The following LARP4 variants were observed in gnomAD, a reference collection of about 807,000 sequenced individuals.
LARP4 encodes La ribonucleoprotein 4.
Under a neutral mutation model 92.9 loss-of-function variants are expected in LARP4, and 29 were observed. That is an observed-to-expected ratio of 0.31 (90% CI 0.23 to 0.43). LARP4 has a LOEUF of 0.43. Ranked by LOEUF, LARP4 falls within the 20% of genes least tolerant of loss-of-function variation. The pLI is 1.00. For missense variants in LARP4, 732 were observed against 860.0 expected, an observed-to-expected ratio of 0.85 and a Z score of 1.86; for synonymous variants, 279 against 284.1, an observed-to-expected ratio of 0.98 and a Z score of 0.18.
chr12:50,454,470 T>G, intron 10 of LARP4, 53 bp downstream of exon 10: 18 of 1,313,628 alleles, frequency 1.4e-5, no homozygotes, highest in Non-Finnish European at 1.9e-5. Flanking sequence ...TAATGGATCT[T>G]AAGGCATTAA....
chr12:50,409,214 G>A (rs1416006188), intron 1 of LARP4, among the ~76,000 whole-genome samples: 1 of 152,052 alleles, frequency 6.6e-6, no homozygotes, highest in African/African-American at 2.4e-5. Flanking sequence ...TAGAAACATG[G>A]ACTCTGGGGC....
At chr12:50,433,379 G>A (rs1253955966) in intron 4 of LARP4, among the ~76,000 whole-genome samples, 3 of 149,046 alleles carry the variant, frequency 2.0e-5, no homozygotes, top group East Asian at 2.0e-4. Context: ...GATATAGTTC[G>A]AACCAGCTGG....
intron 13 of LARP4, among the ~76,000 whole-genome samples, chr12:50,467,381 C>G (rs1478646464): frequency 6.6e-6 from 1 of 151,694 alleles, no homozygotes; most frequent in Non-Finnish European, 1.5e-5. Flanking sequence ...ACCTCTACCT[C>G]CTTGGTTCAA....
At chr12:50,431,379 ATTGACAAAAAG>A (rs1949635529) in intron 4 of LARP4, among the ~76,000 whole-genome samples, 1 of 152,224 alleles carries the variant, frequency 6.6e-6, no homozygotes, top group African/African-American at 2.4e-5. Flanking sequence ...CAATTTTGGA[ATTGACAAAAAG>A]TTATTTCTTA....
intron 4 of LARP4, among the ~76,000 whole-genome samples, chr12:50,431,814 A>T (rs1049764610): frequency 6.6e-6 from 1 of 152,214 alleles, no homozygotes; most frequent in Non-Finnish European, 1.5e-5. Flanking sequence ...CCTGGGCTCC[A>T]GCCTGGGCGG....
rs1957603927 is a variant in LARP4 at position 50,477,319 on chromosome 12, T to G, written c.*1455T>G. On this transcript the variant is annotated 3_prime_UTR_variant, in exon 16 of 16. Coordinates refer to ENST00000398473, the MANE Select transcript of LARP4 (RefSeq NM_052879.5). ...CCGTGTTGTGTTAATCTGTTTTAAG[T>G]CATACCATGTTCAGAGTTCTATGTA... is the stretch of plus-strand genomic sequence containing the variant. The G allele has an allele frequency of 6.6e-6, 1 of 152,522 alleles. No individual in the cohort carries two copies. The highest frequency in any genetic ancestry group is 2.1e-4 in the South Asian group (1 of 4,828). 9.4% of individuals were successfully genotyped at this position (152,522 alleles called of 1,614,324 possible).
At chr12:50,441,673 A>G in intron 8 of LARP4, 30 bp downstream of exon 8, 1 of 1,525,902 alleles carries the variant, frequency 6.6e-7, no homozygotes, top group Middle Eastern at 1.7e-4. Flanking sequence ...GTGAAACCAG[A>G]ACAGGTTTTG....
rs200457985 is a variant in LARP4, at chr12:50,410,408, C to CT, written c.18+9397dup. Among the ~76,000 whole-genome samples, 1,308 of 132,978 alleles carry CT rather than the reference C, an allele frequency of 9.8e-3. 21 individuals carry two copies. The highest frequency in any genetic ancestry group is 0.046 in the East Asian group (209 of 4,552). The allele number at this position is 132,978 out of a possible 152,430, so 87.2% of individuals were successfully genotyped here. On this transcript the variant is annotated intron_variant, in intron 1 of 15. Coordinates refer to ENST00000398473, the MANE Select transcript of LARP4 (RefSeq NM_052879.5). ...CGTCTATTAATACAGGATTCTTTAT[C>CT]TTTTTTTTTTTTTTTTTGAGATGGA...
chr12:50,444,050 GT>G (rs2137770554), intron 8 of LARP4, among the ~76,000 whole-genome samples: 1 of 152,132 alleles, frequency 6.6e-6, no homozygotes, highest in South Asian at 2.1e-4. Context: ...TAGAATATTT[GT>G]CTAGTTCCAA....
In LARP4 at chr12:50,466,941, A is replaced by G. The variant is rs946400462; in HGVS notation, c.1384-18A>G. 3.8e-6 allele frequency: 6 copies of G among 1,597,326 alleles called. No homozygotes were observed. Among genetic ancestry groups the G allele is most frequent in the Non-Finnish European group, 5.1e-6 (6 of 1,167,846 alleles). ...ATGAGATAGCCATGTGACCTGTTTTATTATTTGTTCATTTTAGAGACCTCA... is the reference window on the plus strand; with the variant it reads ...ATGAGATAGCCATGTGACCTGTTTTGTTATTTGTTCATTTTAGAGACCTCA... On this transcript the variant is annotated intron_variant, in intron 12 of 15. Transcript: ENST00000398473.
chr12:50,403,956 G>C (rs1343079584), intron 1 of LARP4, among the ~76,000 whole-genome samples: 1 of 152,062 alleles, frequency 6.6e-6, no homozygotes, highest in Non-Finnish European at 1.5e-5. Context: ...GGGCGCAGTG[G>C]CTCATGCCTG....
At chr12:50,403,823 C>G (rs150247606) in intron 1 of LARP4, among the ~76,000 whole-genome samples, 296 of 152,240 alleles carry the variant, frequency 1.9e-3, no homozygotes, top group Middle Eastern at 6.8e-3. Context: ...GTAGTATATA[C>G]TTGTATCGTG....
At chr12:50,412,358 G>T in intron 1 of LARP4, 1 of 826,850 alleles carries the variant, frequency 1.2e-6, no homozygotes, top group Non-Finnish European at 1.5e-6. Flanking sequence ...TGATTGATGG[G>T]GCAAAATACA....
chr12:50,446,343 C>T (rs1952072992), intron 8 of LARP4, among the ~76,000 whole-genome samples: 1 of 122 alleles, frequency 8.2e-3, no homozygotes. Context: ...CTCTCTCTCC[C>T]TCTCTCTCTC....
chr12:50,412,732 T>C (rs1352282935), intron 1 of LARP4, among the ~76,000 whole-genome samples: 2 of 152,186 alleles, frequency 1.3e-5, no homozygotes, highest in African/African-American at 4.8e-5. Context: ...AGCATCAGTT[T>C]TACAGATAGT....
rs144012967 is a variant in LARP4, at chr12:50,421,643, A to AAAATAAATAAAT, written c.19-6084_19-6073dup. Among the ~76,000 whole-genome samples the AAAATAAATAAAT allele has an allele frequency of 5.3e-3, 778 of 147,968 alleles. 7 individuals carry two copies. Among genetic ancestry groups the AAAATAAATAAAT allele is most frequent in the African/African-American group, 0.014 (561 of 39,012 alleles). On this transcript the variant is annotated intron_variant, in intron 1 of 15. Transcript: ENST00000398473. ...CTGGGAGACAGCAAGACTTCATCAC[A>AAAATAAATAAAT]AAATAAATAAATAAATAAATAAATA...
At chr12:50,453,290 T>G (rs896174942) in intron 8 of LARP4, among the ~76,000 whole-genome samples, 170 bp from the exon 9 acceptor site, 4 of 152,076 alleles carry the variant, frequency 2.6e-5, no homozygotes, top group Non-Finnish European at 5.9e-5. Context: ...GAAAACGTTT[T>G]TATTATTTAT....
intron 4 of LARP4, 67 bp from the exon 5 acceptor site, chr12:50,435,421 G>C: frequency 1.1e-6 from 1 of 943,600 alleles, no homozygotes; most frequent in Non-Finnish European, 1.7e-6. Context: ...GGAAAAGTGA[G>C]TAAGATACCT....
At chr12:50,426,732 G>GTGTGTGTGTGTGTGTGTGTGTGGT (rs1948838581) in intron 1 of LARP4, among the ~76,000 whole-genome samples, 1 of 52,110 alleles carries the variant, frequency 1.9e-5, no homozygotes, top group Non-Finnish European at 3.8e-5. Flanking sequence ...TGTGTGTGTG[G>GTGTGTGTGTGTGTGTGTGTGTGGT]TTTTTTTTTT....
Sources: allele counts gnomAD v4.1 joint callset (sites outside exome capture counted in the v4.1 genomes callset), GRCh38; gene constraint gnomAD v4.1.1; transcripts MANE v1.5; gene names NCBI Gene and HGNC (gene_info 2026-07-23, HGNC 2026-07-21).